The following MAST4 variants were observed in gnomAD, a reference collection of about 807,000 sequenced individuals.
MAST4 encodes microtubule-associated serine/threonine-protein kinase 4.
Under a neutral mutation model 162.7 loss-of-function variants are expected in MAST4, and 89 were observed. That is an observed-to-expected ratio of 0.55 (90% CI 0.46 to 0.65). MAST4 has a LOEUF of 0.65. Among genes scored for constraint, MAST4 ranks in the 30% least tolerant of loss-of-function variants. The probability of loss-of-function intolerance (pLI) is 0.00; values close to 1 mark genes in which losing one functional copy is unlikely to be tolerated. For synonymous variants in MAST4, 1,479 were observed against 1,361.1 expected (o/e 1.09, Z -1.91); for missense variants, 3,153 against 3,374.0 (o/e 0.93, Z 1.62).
Position 67,144,707 on chromosome 5 carries a change from A to C in MAST4, c.2769A>C (p.Ala923=). 6.2e-7 allele frequency: 1 copy of C among 1,613,988 alleles called. No individual in the cohort carries two copies. The highest frequency in any genetic ancestry group is 1.1e-5 in the South Asian group (1 of 91,084). ...SSIDRITQNS[A]EEKEDSVDKT... ...TAGATCGAATCACTCAGAATTCAGC[A>C]GAAGAGAAGGAAGACTCTGTGGACA... The change falls in exon 22 of 29, where the codon GCA becomes GCC. Residue 923 remains alanine, a synonymous_variant. Coordinates refer to ENST00000403625, the MANE Select transcript of MAST4 (RefSeq NM_001164664.2).
chr5:66,735,831 T>G (rs1366371779), intron 1 of MAST4, among the ~76,000 whole-genome samples: 2 of 152,218 alleles, frequency 1.3e-5, no homozygotes, highest in Non-Finnish European at 2.9e-5. Context: ...GAGTAATTAC[T>G]CGAGAAATGC....
At chr5:67,115,607 T>C (rs899658421) in intron 12 of MAST4, among the ~76,000 whole-genome samples, 1 of 152,254 alleles carries the variant, frequency 6.6e-6, no homozygotes, top group Non-Finnish European at 1.5e-5. Flanking sequence ...TTTTTCCCCA[T>C]GGCTTTTAAA....
chr5:67,108,444 T>C (rs911344201), intron 10 of MAST4, among the ~76,000 whole-genome samples: 35 of 152,166 alleles, frequency 2.3e-4, no homozygotes, highest in African/African-American at 8.4e-4. Flanking sequence ...CACTGGATCT[T>C]CCAAAAATCT....
At chr5:66,599,320 C>T (rs1177724840) in intron 1 of MAST4, among the ~76,000 whole-genome samples, 1 of 152,154 alleles carries the variant, frequency 6.6e-6, no homozygotes. Context: ...TTTTGCCCCT[C>T]TCCTCAAAAA....
At chr5:66,893,378 T>G (rs904819839) in intron 3 of MAST4, among the ~76,000 whole-genome samples, 4 of 143,068 alleles carry the variant, frequency 2.8e-5, no homozygotes, top group African/African-American at 1.0e-4. Flanking sequence ...GCTAATTTTT[T>G]TTTTTGTGTG....
intron 26 of MAST4, among the ~76,000 whole-genome samples, chr5:67,158,578 T>A (rs898088819): frequency 7.3e-5 from 11 of 151,576 alleles, no homozygotes; most frequent in African/African-American, 1.7e-4. Context: ...CTCAAAAAAA[T>A]TTTTTTTAAT....
rs377744094 is a variant in MAST4, at chr5:67,004,731, G to A, written c.675-49673G>A. ...TAGCTGGCCGAGCCTGACTAGGAGAGGGCAGACCCGAGAGGAAATCAGTTT... is the reference window on the plus strand; with the variant it reads ...TAGCTGGCCGAGCCTGACTAGGAGAAGGCAGACCCGAGAGGAAATCAGTTT... On this transcript the variant is annotated intron_variant, in intron 4 of 28. Coordinates refer to ENST00000403625, the MANE Select transcript of MAST4 (RefSeq NM_001164664.2). The A allele has an allele frequency of 9.0e-4, 394 of 438,850 alleles. 2 individuals are homozygous for A. The highest frequency in any genetic ancestry group is 7.3e-3 in the African/African-American group (370 of 50,348). 27.2% of individuals were successfully genotyped at this position (438,850 alleles called of 1,614,324 possible).
intron 7 of MAST4, among the ~76,000 whole-genome samples, chr5:67,097,598 G>T (rs1401463371): frequency 6.6e-6 from 1 of 152,084 alleles, no homozygotes; most frequent in Non-Finnish European, 1.5e-5. Context: ...AATTCTGTAT[G>T]TGCCTACGGA....
At chr5:66,876,464 C>A (rs527679189) in intron 3 of MAST4, among the ~76,000 whole-genome samples, 1 of 152,254 alleles carries the variant, frequency 6.6e-6, no homozygotes, top group South Asian at 2.1e-4. Flanking sequence ...CTTGTCATGG[C>A]CCTCTGTGGT....
At chr5:67,145,420 A>T in intron 23 of MAST4, 41 bp downstream of exon 23, 2 of 1,556,280 alleles carry the variant, frequency 1.3e-6, no homozygotes, top group South Asian at 2.3e-5. Context: ...TCCTCACCAC[A>T]CTAAGTGTCT....
chr5:66,943,553 A>G (rs1743612885), intron 4 of MAST4, among the ~76,000 whole-genome samples: 1 of 152,138 alleles, frequency 6.6e-6, no homozygotes. Context: ...TATAAAATTA[A>G]GATAGTAGCA....
intron 4 of MAST4, among the ~76,000 whole-genome samples, chr5:67,039,566 C>G (rs190631787): frequency 6.6e-6 from 1 of 152,116 alleles, no homozygotes; most frequent in Non-Finnish European, 1.5e-5. Context: ...AGGCTAGGGA[C>G]GAATGAGTTC....
chr5:66,739,337 T>G (rs1314148082), intron 1 of MAST4, among the ~76,000 whole-genome samples: 2 of 152,222 alleles, frequency 1.3e-5, no homozygotes, highest in African/African-American at 4.8e-5. Flanking sequence ...CATTCTTGTT[T>G]CCTTGACCTC....
chr5:66,976,889 C>T (rs1206966894), intron 4 of MAST4, among the ~76,000 whole-genome samples: 1 of 152,164 alleles, frequency 6.6e-6, no homozygotes, highest in African/African-American at 2.4e-5. Context: ...CTAGTAGCCA[C>T]TGACCCCTAT....
chr5:67,150,353 A>G (rs1237468299), intron 24 of MAST4, among the ~76,000 whole-genome samples: 1 of 152,242 alleles, frequency 6.6e-6, no homozygotes, highest in Non-Finnish European at 1.5e-5. Flanking sequence ...TGTTTTTGGA[A>G]GAAAACAGAT....
intron 1 of MAST4, among the ~76,000 whole-genome samples, chr5:66,620,136 AATATTCTATAGGACACATC>A (rs1743982689): frequency 6.6e-6 from 1 of 151,708 alleles, no homozygotes. Flanking sequence ...CTGTTAGCAA[AATATTCTATAGGACACATC>A]ATATCCCATG....
At chr5:67,117,113 T>G (rs1359124043) in intron 12 of MAST4, among the ~76,000 whole-genome samples, 3 of 152,224 alleles carry the variant, frequency 2.0e-5, no homozygotes, top group Non-Finnish European at 4.4e-5. Flanking sequence ...TTGCTTAACA[T>G]AGTGTTTAAC....
chr5:66,840,082 A>G (rs569406924), intron 3 of MAST4, among the ~76,000 whole-genome samples: 46 of 152,068 alleles, frequency 3.0e-4, no homozygotes, highest in African/African-American at 1.1e-3. Flanking sequence ...GAGAATATGC[A>G]CTCCTCAGGA....
At chr5:66,722,047 C>T (rs543810379) in intron 1 of MAST4, among the ~76,000 whole-genome samples, 1 of 152,072 alleles carries the variant, frequency 6.6e-6, no homozygotes, top group African/African-American at 2.4e-5. Flanking sequence ...TTGCTTCCAT[C>T]CCTGCCCTCT....
Sources: gnomAD v4.1 joint callset for allele counts (sites outside exome capture counted in the v4.1 genomes callset) on GRCh38, gnomAD v4.1.1 for gene constraint, MANE v1.5 for transcripts, NCBI Gene and HGNC (gene_info 2026-07-23, HGNC 2026-07-21) for gene names.